Variants in ZBTB20 observed in about 807,000 individuals in gnomAD.
The protein encoded by ZBTB20 is zinc finger and BTB domain containing 20.
Under a neutral mutation model 56.9 loss-of-function variants are expected in ZBTB20, and 9 were observed. The ratio of observed to expected loss-of-function variants is 0.16; its 90% CI spans 0.10 to 0.28. The LOEUF (loss-of-function observed/expected upper bound fraction) is 0.28, where lower values mean the gene tolerates loss of function less well. Among genes scored for constraint, ZBTB20 ranks in the 10% least tolerant of loss-of-function variants. ZBTB20 has a pLI of 1.00. For missense variants in ZBTB20, 655 were observed against 1,003.0 expected, an observed-to-expected ratio of 0.65 and a Z score of 4.69; for synonymous variants, 417 against 420.7, an observed-to-expected ratio of 0.99 and a Z score of 0.11.
At chr3:114,525,279 A>G (rs1048391444) in intron 6 of ZBTB20, among the ~76,000 whole-genome samples, 32 of 152,168 alleles carry the variant, frequency 2.1e-4, no homozygotes, top group African/African-American at 7.7e-4. Context: ...ATGAATTAAT[A>G]AATGCCCCCT....
At chr3:114,892,062 T>A (rs868512676) in intron 4 of ZBTB20, among the ~76,000 whole-genome samples, 1 of 151,948 alleles carries the variant, frequency 6.6e-6, no homozygotes, top group South Asian at 2.1e-4. Flanking sequence ...AAAAAAAATA[T>A]CCAAATCTGT....
At chr3:114,861,131 C>G (rs1166321230) in intron 4 of ZBTB20, among the ~76,000 whole-genome samples, 2 of 152,204 alleles carry the variant, frequency 1.3e-5, no homozygotes, top group Non-Finnish European at 2.9e-5. Context: ...GCATGCTTCT[C>G]TCTTTATTCT....
chr3:114,358,018 C>A (rs1344268825), intron 10 of ZBTB20, among the ~76,000 whole-genome samples: 1 of 152,036 alleles, frequency 6.6e-6, no homozygotes, highest in East Asian at 1.9e-4. Flanking sequence ...TATTATTTAG[C>A]AAACTTTGTT....
intron 1 of ZBTB20, among the ~76,000 whole-genome samples, chr3:115,129,392 G>T (rs1258652425): frequency 6.6e-6 from 1 of 152,146 alleles, no homozygotes; most frequent in East Asian, 1.9e-4. Context: ...GTATTAAGAT[G>T]ATACTTACGT....
intron 4 of ZBTB20, among the ~76,000 whole-genome samples, chr3:114,873,699 G>T (rs2076092731): frequency 6.6e-6 from 1 of 152,152 alleles, no homozygotes; most frequent in Non-Finnish European, 1.5e-5. Flanking sequence ...GGGGAACACA[G>T]AAGCAATATT....
chr3:114,753,427 A>ATACACACACG (rs2067755846), intron 5 of ZBTB20, among the ~76,000 whole-genome samples: 2 of 143,630 alleles, frequency 1.4e-5, no homozygotes, highest in African/African-American at 5.3e-5. Flanking sequence ...ATATATATAT[A>ATACACACACG]TATATACACA....
chr3:114,863,876 G>T (rs1220559624), intron 4 of ZBTB20, among the ~76,000 whole-genome samples: 1 of 151,942 alleles, frequency 6.6e-6, no homozygotes, highest in Admixed American at 6.6e-5. Context: ...TAAGTTTGGT[G>T]TTTAATTGCT....
chr3:115,130,733 C>T (rs1043058041), intron 1 of ZBTB20, among the ~76,000 whole-genome samples: 1 of 152,092 alleles, frequency 6.6e-6, no homozygotes, highest in East Asian at 1.9e-4. Context: ...CCAAAACTAG[C>T]CATAATATTT....
At chr3:115,051,827 C>T (rs1420175687) in intron 2 of ZBTB20, among the ~76,000 whole-genome samples, 1 of 152,152 alleles carries the variant, frequency 6.6e-6, no homozygotes, top group Non-Finnish European at 1.5e-5. Flanking sequence ...GTTCCACAGG[C>T]TGTACAGGAA....
intron 7 of ZBTB20, among the ~76,000 whole-genome samples, chr3:114,428,713 G>GAAAAA (rs1164678748): frequency 6.6e-6 from 1 of 152,118 alleles, no homozygotes; most frequent in Non-Finnish European, 1.5e-5. Context: ...TTGCATCAAG[G>GAAAAA]AAAAAACTTG....
chr3:114,539,118 A>AT (rs1436223905), intron 6 of ZBTB20, among the ~76,000 whole-genome samples: 2 of 152,138 alleles, frequency 1.3e-5, no homozygotes, highest in Non-Finnish European at 2.9e-5. Flanking sequence ...TCTTTAGTGT[A>AT]TAAGTGTCCA....
chr3:115,010,640 C>A (rs530487012), intron 2 of ZBTB20, among the ~76,000 whole-genome samples: 3 of 152,010 alleles, frequency 2.0e-5, no homozygotes, highest in Non-Finnish European at 2.9e-5. Flanking sequence ...ACATTCAGGT[C>A]TTTTCAAATA....
At chr3:115,025,381 C>T (rs981358464) in intron 2 of ZBTB20, among the ~76,000 whole-genome samples, 2 of 151,198 alleles carry the variant, frequency 1.3e-5, no homozygotes, top group East Asian at 3.9e-4. Flanking sequence ...CATGACTTTG[C>T]TATTGTGAAT....
At chr3:114,661,970 T>G (rs898941781) in intron 6 of ZBTB20, among the ~76,000 whole-genome samples, 1 of 151,732 alleles carries the variant, frequency 6.6e-6, no homozygotes, top group Non-Finnish European at 1.5e-5. Context: ...TAGTTACATA[T>G]GTATACATGT....
intron 4 of ZBTB20, among the ~76,000 whole-genome samples, chr3:114,859,287 TCTTCCTTC>T (rs1367230631): frequency 2.1e-5 from 3 of 142,806 alleles, no homozygotes; most frequent in Admixed American, 1.4e-4. Context: ...TTCCTTCCTT[TCTTCCTTC>T]CTTCTTTCCT....
intron 1 of ZBTB20, chr3:115,100,460 G>A (rs2083549339): frequency 6.6e-6 from 1 of 152,198 alleles, no homozygotes; most frequent in East Asian, 1.9e-4. Flanking sequence ...AAAACAGAAA[G>A]AAACAGAGAG....
chr3:114,888,462 C>A (rs2076688229), intron 4 of ZBTB20, among the ~76,000 whole-genome samples: 1 of 151,968 alleles, frequency 6.6e-6, no homozygotes, highest in African/African-American at 2.4e-5. Context: ...TAATATCTTA[C>A]AATGATATAT....
intron 6 of ZBTB20, among the ~76,000 whole-genome samples, chr3:114,652,240 G>A (rs778139958): frequency 5.9e-5 from 9 of 151,850 alleles, no homozygotes; most frequent in Non-Finnish European, 1.0e-4. Flanking sequence ...TTTTTATCAC[G>A]ATAGAATAGT....
At chr3:114,906,957 T>C (rs1441569014) in intron 3 of ZBTB20, among the ~76,000 whole-genome samples, 3 of 151,802 alleles carry the variant, frequency 2.0e-5, no homozygotes, top group Non-Finnish European at 4.4e-5. Flanking sequence ...GACGCAGTCT[T>C]CCCCTCATAT....
Sources: allele counts gnomAD v4.1 joint callset (sites outside exome capture counted in the v4.1 genomes callset), GRCh38; gene constraint gnomAD v4.1.1; transcripts MANE v1.5; gene names NCBI Gene and HGNC (gene_info 2026-07-23, HGNC 2026-07-21).